MOB3B: variants seen among roughly 807,000 people sequenced by gnomAD.
The protein encoded by MOB3B is MOB kinase activator-like 2B.
A neutral mutation model predicts 18.7 loss-of-function variants in MOB3B; 7 were observed. The observed-to-expected ratio is 0.37, with a 90% CI of 0.21 to 0.70. MOB3B has a LOEUF of 0.70. Ranked by LOEUF, MOB3B falls within the 30% of genes least tolerant of loss-of-function variation. The pLI is 0.52. For missense variants in MOB3B, 253 were observed against 281.3 expected, an observed-to-expected ratio of 0.90 and a Z score of 0.72; for synonymous variants, 111 against 99.9, an observed-to-expected ratio of 1.11 and a Z score of -0.66.
intron 3 of MOB3B, among the ~76,000 whole-genome samples, chr9:27,356,294 G>T (rs888119329): frequency 6.6e-6 from 1 of 152,048 alleles, no homozygotes; most frequent in African/African-American, 2.4e-5. Flanking sequence ...AACTTCTGGG[G>T]AAAAAAACCT....
At chr9:27,424,589 C>A (rs1822300234) in intron 2 of MOB3B, among the ~76,000 whole-genome samples, 1 of 152,196 alleles carries the variant, frequency 6.6e-6, no homozygotes, top group Non-Finnish European at 1.5e-5. Context: ...GGGGGCCAAT[C>A]ATAAACTGCA....
chr9:27,480,585 C>T (rs1819634644), intron 1 of MOB3B, among the ~76,000 whole-genome samples: 1 of 152,124 alleles, frequency 6.6e-6, no homozygotes, highest in Non-Finnish European at 1.5e-5. Flanking sequence ...CAGATGTGAG[C>T]CACCGTGCCT....
At chr9:27,525,849 C>T (rs1820428311) in intron 1 of MOB3B, among the ~76,000 whole-genome samples, 1 of 152,194 alleles carries the variant, frequency 6.6e-6, no homozygotes, top group African/African-American at 2.4e-5. Flanking sequence ...TCCAATAATA[C>T]ATAATACTTT....
At chr9:27,470,939 C>A (rs1016010456) in intron 1 of MOB3B, among the ~76,000 whole-genome samples, 1 of 152,062 alleles carries the variant, frequency 6.6e-6, no homozygotes, top group African/African-American at 2.4e-5. Context: ...CACTTTTCCC[C>A]TTTTGAGCTC....
intron 2 of MOB3B, among the ~76,000 whole-genome samples, chr9:27,361,748 AGAG>A (rs1821277746): frequency 6.6e-6 from 1 of 152,236 alleles, no homozygotes; most frequent in Admixed American, 6.5e-5. Context: ...GGGAAATAGT[AGAG>A]GAGAGATTTA....
chr9:27,393,974 C>G (rs1821765171), intron 2 of MOB3B: 1 of 152,108 alleles, frequency 6.6e-6, no homozygotes, highest in East Asian at 1.9e-4. Flanking sequence ...TTCTTTTCCT[C>G]CTCTTAAAAG....
chr9:27,372,116 G>C (rs894883714), intron 2 of MOB3B, among the ~76,000 whole-genome samples: 3 of 152,186 alleles, frequency 2.0e-5, no homozygotes, highest in African/African-American at 7.2e-5. Flanking sequence ...GCCCCTTGGA[G>C]AAAATGGCTG....
chr9:27,346,052 G>A (rs1032657117), intron 3 of MOB3B, among the ~76,000 whole-genome samples: 1 of 152,122 alleles, frequency 6.6e-6, no homozygotes, highest in Non-Finnish European at 1.5e-5. Flanking sequence ...GGGCCTTTTG[G>A]GAAGTGACTA....
At chr9:27,414,183 G>A (rs766500774) in intron 2 of MOB3B, among the ~76,000 whole-genome samples, 21 of 152,136 alleles carry the variant, frequency 1.4e-4, no homozygotes, top group Non-Finnish European at 2.4e-4. Flanking sequence ...GCCCACTCTT[G>A]CCAATAAATG....
intron 2 of MOB3B, among the ~76,000 whole-genome samples, chr9:27,443,599 G>A (rs1822628809): frequency 6.6e-6 from 1 of 152,102 alleles, no homozygotes; most frequent in Non-Finnish European, 1.5e-5. Flanking sequence ...TCTTCCTGAA[G>A]AATTCAAGTT....
intron 2 of MOB3B, among the ~76,000 whole-genome samples, chr9:27,439,349 C>T (rs549987333): frequency 1.3e-3 from 193 of 152,220 alleles, no homozygotes; most frequent in Non-Finnish European, 2.4e-3. Flanking sequence ...TTTTTTTCCT[C>T]CTTCTCTTCC....
chr9:27,419,615 A>C (rs1305928348), intron 2 of MOB3B, among the ~76,000 whole-genome samples: 1 of 152,250 alleles, frequency 6.6e-6, no homozygotes, highest in East Asian at 1.9e-4. Context: ...TAGGAGAATG[A>C]AACTGGATCC....
rs1822858125 is a variant in MOB3B, at chr9:27,455,661, G to C, written c.-111C>G. On this transcript the variant is annotated 5_prime_UTR_variant, in exon 2 of 4. Coordinates refer to ENST00000262244, the MANE Select transcript of MOB3B (RefSeq NM_024761.5). ...TTCCACTGCCAGCACTCAGGCCCCAGTCTTACAGCCTGTAGCTTTTAAGCT... is the reference window on the plus strand; with the variant it reads ...TTCCACTGCCAGCACTCAGGCCCCACTCTTACAGCCTGTAGCTTTTAAGCT... 1 of 1,556,008 alleles carries C rather than the reference G, an allele frequency of 6.4e-7. No individual in the cohort carries two copies. Among genetic ancestry groups the C allele is most frequent in the Non-Finnish European group, 8.6e-7 (1 of 1,160,954 alleles).
Position 27,455,740 on chromosome 9 carries a change from T to C in MOB3B, c.-190A>G. On this transcript the variant is annotated 5_prime_UTR_variant, in exon 2 of 4. It removes an upstream start codon present in the reference 5' UTR. Coordinates refer to ENST00000262244, the MANE Select transcript of MOB3B (RefSeq NM_024761.5). ...TTGAATGATTTCCAAGGGAACCTCA[T>C]GTTCTTTCCTAAAGGTAGAAGAGAA... 1 of 1,441,106 alleles carries C rather than the reference T, an allele frequency of 6.9e-7. No individual in the cohort carries two copies. The highest frequency in any genetic ancestry group is 1.4e-5 in the African/African-American group (1 of 69,998). 89.3% of individuals were successfully genotyped at this position (1,441,106 alleles called of 1,614,324 possible).
chr9:27,389,410 C>A (rs1821694248), intron 2 of MOB3B, among the ~76,000 whole-genome samples: 1 of 80,278 alleles, frequency 1.2e-5, no homozygotes, highest in African/African-American at 6.8e-5. Context: ...GGGCTTCTTT[C>A]CAATTACTTG....
rs1820726784 is a variant in MOB3B, at chr9:27,327,245, A to G, written c.*3342T>C. On this transcript the variant is annotated 3_prime_UTR_variant, in exon 4 of 4. Transcript: ENST00000262244. Reference sequence around the variant, plus strand: ...GATGAATGTACGTATGCACAGCCTCACACTCTATAAATGTATGTGTCCTGA... The same window carrying G: ...GATGAATGTACGTATGCACAGCCTCGCACTCTATAAATGTATGTGTCCTGA... 6.6e-6 allele frequency: 1 copy of G among 152,238 alleles called. No individual in the cohort carries two copies. The highest frequency in any genetic ancestry group is 2.4e-5 in the African/African-American group (1 of 41,460). The allele number at this position is 152,238 out of a possible 1,614,324, so 9.4% of individuals were successfully genotyped here.
intron 1 of MOB3B, among the ~76,000 whole-genome samples, chr9:27,473,950 A>G (rs575636056): frequency 1.1e-4 from 16 of 152,312 alleles, no homozygotes; most frequent in African/African-American, 3.8e-4. Flanking sequence ...GAGATTAGCC[A>G]TTATAAAAGG....
In MOB3B at chr9:27,435,687, C is replaced by A. The variant is rs191015109; in HGVS notation, c.418+19446G>T. Among the ~76,000 whole-genome samples the A allele has an allele frequency of 3.3e-5, 5 of 152,314 alleles. No homozygotes were observed. The East Asian group carries it at 9.7e-4, about 29-fold the overall frequency. On this transcript the variant is annotated intron_variant, in intron 2 of 3. Coordinates refer to ENST00000262244, the MANE Select transcript of MOB3B (RefSeq NM_024761.5). The stretch of plus-strand genomic sequence containing the variant: ...CTATCTCTACTCACTGCCACCTCCA[C>A]CTCCTGAGTTCAAGTGATTCTTCTG...
At chr9:27,359,259 A>T (rs755459602) in intron 2 of MOB3B, 23 bp from the exon 3 acceptor site, 2 of 1,602,650 alleles carry the variant, frequency 1.2e-6, no homozygotes, top group African/African-American at 2.7e-5. Context: ...AAAAGAAGAA[A>T]GAATGAAACC....
Sources: gnomAD v4.1 joint callset for allele counts (sites outside exome capture counted in the v4.1 genomes callset) on GRCh38, gnomAD v4.1.1 for gene constraint, MANE v1.5 for transcripts, NCBI Gene and HGNC (gene_info 2026-07-23, HGNC 2026-07-21) for gene names.